ZNF638: variants seen among roughly 807,000 people sequenced by gnomAD.
The protein encoded by ZNF638 is CTCL tumor antigen se33-1.
A neutral mutation model predicts 195.6 loss-of-function variants in ZNF638; 46 were observed. The ratio of observed to expected loss-of-function variants is 0.24; its 90% CI spans 0.19 to 0.30. The LOEUF (loss-of-function observed/expected upper bound fraction) is 0.30. Among genes scored for constraint, ZNF638 ranks in the 10% least tolerant of loss-of-function variants. The pLI is 1.00. For synonymous variants in ZNF638, 845 were observed against 772.0 expected (o/e 1.09, Z -1.57); for missense variants, 2,440 against 2,325.3 (o/e 1.05, Z -1.01).
chr2:71,368,603 C>G (rs367662400), intron 7 of ZNF638, 75 bp downstream of exon 7: 1 of 1,501,712 alleles, frequency 6.7e-7, no homozygotes, highest in East Asian at 2.3e-5. Context: ...CTGTTGTGTT[C>G]CTTAGCTGCT....
chr2:71,405,190 C>T (rs1055062664), intron 17 of ZNF638, among the ~76,000 whole-genome samples: 1 of 152,192 alleles, frequency 6.6e-6, no homozygotes, highest in African/African-American at 2.4e-5. Flanking sequence ...AATTCAGTAG[C>T]ATCAAATCTG....
chr2:71,370,092 G>T lies in ZNF638; in HGVS notation c.2265+87G>T, dbSNP rs2079281680. 2.9e-6 allele frequency: 4 copies of T among 1,395,974 alleles called. No individual in the cohort carries two copies. The Admixed American group carries it at 7.2e-5, about 25-fold the overall frequency. The allele number at this position is 1,395,974 out of a possible 1,614,324, so 86.5% of individuals were successfully genotyped here. A position where few individuals can be genotyped will look rare whatever the true frequency, so the allele number is the denominator to read the frequency against. On this transcript the variant is annotated intron_variant, in intron 8 of 27. Coordinates refer to ENST00000264447, the MANE Select transcript of ZNF638 (RefSeq NM_014497.5). ...AAGTATGGCACACATATAGAAATAGGCATAGAAACATAAATGTTAGCTCAA... is the reference window on the plus strand; with the variant it reads ...AAGTATGGCACACATATAGAAATAGTCATAGAAACATAAATGTTAGCTCAA...
Position 71,426,981 on chromosome 2 carries a change from T to A in ZNF638, c.5112T>A (p.Thr1704=), listed in dbSNP as rs767025138. Residue 1704 remains threonine, a synonymous_variant, in exon 24 of 28, where the codon ACT becomes ACA. Coordinates refer to ENST00000264447, the MANE Select transcript of ZNF638 (RefSeq NM_014497.5). ...LNESADITFA[T]LNTKGNEGDT... is the part of the protein sequence containing the mutation. ...AGTCAGCAGACATAACTTTTGCCACTTTAAATACTAAAGGAAATGAAGGAG... is the reference window on the plus strand; with the variant it reads ...AGTCAGCAGACATAACTTTTGCCACATTAAATACTAAAGGAAATGAAGGAG... 1.9e-6 allele frequency: 3 copies of A among 1,612,224 alleles called. No homozygotes were observed. The highest frequency in any genetic ancestry group is 2.5e-6 in the Non-Finnish European group (3 of 1,179,378).
At chr2:71,421,286 A>G (rs768672796) in intron 21 of ZNF638, among the ~76,000 whole-genome samples, 3 of 152,148 alleles carry the variant, frequency 2.0e-5, no homozygotes, top group African/African-American at 4.8e-5. Flanking sequence ...CTTTGCCACA[A>G]ATTTTATTGT....
At chr2:71,378,177 T>A (rs569561810) in intron 8 of ZNF638, among the ~76,000 whole-genome samples, 1 of 152,202 alleles carries the variant, frequency 6.6e-6, no homozygotes, top group African/African-American at 2.4e-5. Context: ...TTTCAAAAAA[T>A]ATCACTTAAA....
chr2:71,377,989 G>A (rs925845194), intron 8 of ZNF638, among the ~76,000 whole-genome samples: 1 of 152,202 alleles, frequency 6.6e-6, no homozygotes, highest in Non-Finnish European at 1.5e-5. Context: ...TGTTAAGGCA[G>A]TATTTATTCT....
intron 25 of ZNF638, among the ~76,000 whole-genome samples, chr2:71,429,418 C>A (rs6743784): frequency 0.092 from 13,975 of 152,180 alleles, 689 homozygotes; most frequent in East Asian, 0.13. Context: ...AGCTTTCCCC[C>A]CCTTCTACAT....
chr2:71,395,278 T>C (rs1393697778), intron 10 of ZNF638: 1 of 717,212 alleles, frequency 1.4e-6, no homozygotes, highest in African/African-American at 1.7e-5. Flanking sequence ...CAGTAATCGC[T>C]ACGCCTGACA....
At position 71,422,838 on chromosome 2, in the gene ZNF638, T is replaced by C; in HGVS notation, c.3324T>C (p.Ile1108=). The change falls in exon 22 of 28, where the codon ATT becomes ATC. Residue 1108 remains isoleucine (I), a synonymous_variant. Coordinates refer to ENST00000264447, the MANE Select transcript of ZNF638 (RefSeq NM_014497.5). ...KESPGLKNSP[I]DESEVQTATD... is the part of the protein sequence containing the mutation. ...GCCCTGGCTTGAAAAACAGTCCAAT[T>C]GATGAAAGTGAGGTGCAAACAGCAA... 1 of 1,612,496 alleles carries C rather than the reference T, an allele frequency of 6.2e-7. No individual in the cohort carries two copies. The highest frequency in any genetic ancestry group is 1.7e-5 in the Admixed American group (1 of 59,728).
chr2:71,381,933 G>A (rs1273711099), intron 10 of ZNF638, among the ~76,000 whole-genome samples: 1 of 152,030 alleles, frequency 6.6e-6, no homozygotes, highest in Non-Finnish European at 1.5e-5. Flanking sequence ...TGGATAAATT[G>A]GAGAGATGTA....
At chr2:71,340,649 T>G (rs1279147872) in intron 1 of ZNF638, among the ~76,000 whole-genome samples, 1 of 152,210 alleles carries the variant, frequency 6.6e-6, no homozygotes, top group East Asian at 1.9e-4. Flanking sequence ...TAGAATACTT[T>G]TTTTTCTTTC....
At chr2:71,341,059 TC>T (rs1297640719) in intron 1 of ZNF638, among the ~76,000 whole-genome samples, 2 of 152,196 alleles carry the variant, frequency 1.3e-5, no homozygotes, top group African/African-American at 4.8e-5. Flanking sequence ...AGGGCTCCCT[TC>T]CTTCTGAAAG....
Position 71,403,984 on chromosome 2 carries a change from A to G in ZNF638, c.2944A>G (p.Asn982Asp). Residue 982 changes from asparagine to aspartate, a missense_variant, in exon 17 of 28, where the codon AAT becomes GAT. Asn to Asp is a conservative substitution (Grantham distance 23). Around this residue, in one of 5 missense-constraint regions of ZNF638, gnomAD observed 1,883 missense variants for 1,739.1 expected, o/e 1.08. Coordinates refer to ENST00000264447, the MANE Select transcript of ZNF638 (RefSeq NM_014497.5). Reference sequence around the variant, plus strand: ...AATAAGTATGGCTCCTGAAAACATGAATATAAAAGATGAGGTAAATCAGAC... The same window carrying G: ...AATAAGTATGGCTCCTGAAAACATGGATATAAAAGATGAGGTAAATCAGAC... ...LSISMAPENM[N>D]IKDEEAIFIT... 6.2e-7 allele frequency: 1 copy of G among 1,610,076 alleles called. No homozygotes were observed. Among genetic ancestry groups the G allele is most frequent in the Non-Finnish European group, 8.5e-7 (1 of 1,178,412 alleles).
chr2:71,366,439 C>T (rs1430737579), intron 6 of ZNF638, among the ~76,000 whole-genome samples: 2 of 151,916 alleles, frequency 1.3e-5, no homozygotes, highest in African/African-American at 2.4e-5. Context: ...AGTTTTGTTA[C>T]ATGATTTTAG....
At chr2:71,339,641 T>TA (rs1284292930) in intron 1 of ZNF638, among the ~76,000 whole-genome samples, 2 of 152,248 alleles carry the variant, frequency 1.3e-5, no homozygotes, top group African/African-American at 4.8e-5. Flanking sequence ...TGGTCTTGCT[T>TA]ACCTCTGTTC....
Position 71,368,421 on chromosome 2 carries a change from C to G in ZNF638, c.2035C>G (p.Leu679Val). ...GTCATTGCATTATGGTTCGGTTCTT[C>G]TTATAACTGAATTACCAGAGGATGG... ...EQSLHYGSVLLITELPEDGCT... is the reference protein window; with the variant it reads ...EQSLHYGSVLVITELPEDGCT... Residue 679 changes from leucine (L) to valine (V), a missense_variant, in exon 7 of 28, where the codon CTT becomes GTT. Leu to Val is a conservative substitution (Grantham distance 32, BLOSUM62 1). Around this residue, in one of 5 missense-constraint regions of ZNF638, gnomAD observed 1,883 missense variants for 1,739.1 expected, o/e 1.08. Transcript: ENST00000264447. The G allele has an allele frequency of 6.2e-7, 1 of 1,613,274 alleles. No homozygotes were observed. The highest frequency in any genetic ancestry group is 8.5e-7 in the Non-Finnish European group (1 of 1,179,696).
chr2:71,383,762 C>CTT (rs1181570876), intron 10 of ZNF638, among the ~76,000 whole-genome samples: 2,376 of 76,628 alleles, frequency 0.031, 100 homozygotes, highest in African/African-American at 0.056. Flanking sequence ...TTTTCTTTTT[C>CTT]TTTTTTTTTT....
intron 2 of ZNF638, among the ~76,000 whole-genome samples, chr2:71,354,762 A>G (rs568624613): frequency 2.0e-5 from 3 of 152,154 alleles, no homozygotes; most frequent in East Asian, 3.9e-4. Context: ...AAAAAAAAAA[A>G]AGAAGCATTT....
chr2:71,410,991 C>CTTT (rs1345720927), intron 20 of ZNF638, among the ~76,000 whole-genome samples: 1 of 45,298 alleles, frequency 2.2e-5, no homozygotes, highest in Non-Finnish European at 5.0e-5. Context: ...CCTCCCCCCC[C>CTTT]CTTTTTTTTT....
Sources: gnomAD v4.1 joint callset for allele counts (sites outside exome capture counted in the v4.1 genomes callset) on GRCh38, gnomAD v4.1.1 for gene constraint, gnomAD v4.1.1 regional missense constraint, MANE v1.5 for transcripts, NCBI Gene and HGNC (gene_info 2026-07-23, HGNC 2026-07-21) for gene names.